Variants in PHKA1 observed in about 807,000 individuals in gnomAD.
PHKA1 encodes the protein phosphorylase kinase regulatory subunit alpha 1, also known as phosphorylase b kinase regulatory subunit alpha, skeletal muscle isoform.
PHKA1 carries 60 observed loss-of-function variants against 110.2 expected under a neutral mutation model. That is an observed-to-expected ratio of 0.54 (90% confidence interval 0.44 to 0.68). PHKA1 has a LOEUF of 0.68. Among genes scored for constraint, PHKA1 ranks in the 30% least tolerant of loss-of-function variants. The probability of loss-of-function intolerance (pLI) is 0.00; values close to 1 mark genes in which losing one functional copy is unlikely to be tolerated. For synonymous variants in PHKA1, 316 were observed against 333.6 expected (o/e 0.95, Z 0.58); for missense variants, 801 against 942.5 (o/e 0.85, Z 1.97).
intron 11 of PHKA1, among the ~76,000 whole-genome samples, chrX:72,652,897 A>G (rs1386153528): frequency 2.7e-5 from 3 of 111,086 alleles, no homozygotes; most frequent in Non-Finnish European, 5.7e-5. Flanking sequence ...CCTGAAATCT[A>G]TTTCTAACAA....
At position 72,616,732 on chromosome X, in the gene PHKA1, G is replaced by T. The variant is rs368678872; in HGVS notation, c.2369+1978C>A. Among the ~76,000 whole-genome samples the T allele has an allele frequency of 2.7e-5, 3 of 111,870 alleles. No individual in the cohort carries two copies. The East Asian group carries it at 8.4e-4, about 31-fold the overall frequency. On this transcript the variant is annotated intron_variant, in intron 21 of 31. Coordinates refer to ENST00000373542, the MANE Select transcript of PHKA1 (RefSeq NM_002637.4). ...TTCTCAACTTTACATGGAACATTCT[G>T]CAGGGTAGATTATATACTAGGCTAC... is the stretch of plus-strand genomic sequence containing the variant.
intron 5 of PHKA1, among the ~76,000 whole-genome samples, chrX:72,682,934 TAAAAAAAAAA>T (rs1164416043): frequency 4.7e-5 from 3 of 63,857 alleles, no homozygotes; most frequent in African/African-American, 1.3e-4. Flanking sequence ...AAAAATAAAT[TAAAAAAAAAA>T]AAAAAAAAAA....
intron 13 of PHKA1, among the ~76,000 whole-genome samples, chrX:72,645,370 T>C (rs1352568904): frequency 1.8e-5 from 2 of 112,233 alleles, no homozygotes; most frequent in African/African-American, 6.5e-5. Flanking sequence ...ATTTTCTACA[T>C]TGAGTTTTTG....
At chrX:72,604,364 T>C (rs975028891) in intron 25 of PHKA1, among the ~76,000 whole-genome samples, 1 of 111,322 alleles carries the variant, frequency 9.0e-6, no homozygotes, top group Non-Finnish European at 1.9e-5. Context: ...CTTGAAAGGA[T>C]TAAATGACAC....
intron 9 of PHKA1, among the ~76,000 whole-genome samples, 161 bp from the exon 10 acceptor site, chrX:72,656,403 T>C (rs1183712526): frequency 8.9e-6 from 1 of 112,536 alleles, no homozygotes; most frequent in African/African-American, 3.2e-5. Flanking sequence ...TACTCTATGA[T>C]GCGACTTCTA....
intron 12 of PHKA1, among the ~76,000 whole-genome samples, chrX:72,650,947 C>T (rs1437715138): frequency 8.9e-6 from 1 of 111,826 alleles, no homozygotes; most frequent in African/African-American, 3.3e-5. Context: ...CTCCTGGACT[C>T]AAGCAATCCT....
intron 28 of PHKA1, among the ~76,000 whole-genome samples, chrX:72,599,524 C>T (rs182049194): frequency 5.4e-5 from 6 of 111,653 alleles, no homozygotes; most frequent in Admixed American, 4.8e-4. Flanking sequence ...GGGCCTCATC[C>T]GCAGTCTTTC....
At chrX:72,685,331 TC>T (rs2053955570) in intron 4 of PHKA1, among the ~76,000 whole-genome samples, 1 of 110,839 alleles carries the variant, frequency 9.0e-6, no homozygotes, top group Non-Finnish European at 1.9e-5. Flanking sequence ...TCTTTATATC[TC>T]CCCCCTCAAA....
At chrX:72,644,611 G>C in intron 13 of PHKA1, 115 bp from the exon 14 acceptor site, 1 of 612,996 alleles carries the variant, frequency 1.6e-6, no homozygotes, top group South Asian at 2.6e-5. Context: ...GGGAGGAAAT[G>C]AACAGTTATT....
chrX:72,651,713 C>T (rs1205321374), intron 12 of PHKA1, among the ~76,000 whole-genome samples: 9 of 111,102 alleles, frequency 8.1e-5, no homozygotes, highest in Non-Finnish European at 1.5e-4. Context: ...TTAGTAATGT[C>T]GACTAAGAGT....
At chrX:72,662,793 G>A (rs868970234) in intron 8 of PHKA1, among the ~76,000 whole-genome samples, 1 of 111,176 alleles carries the variant, frequency 9.0e-6, no homozygotes, top group Admixed American at 9.5e-5. Flanking sequence ...TCTATTATGT[G>A]GATTACAGCT....
chrX:72,648,421 G>A (rs1037033203), intron 13 of PHKA1, among the ~76,000 whole-genome samples: 5 of 111,370 alleles, frequency 4.5e-5, no homozygotes, highest in Non-Finnish European at 9.4e-5. Context: ...AAAAGAGGTG[G>A]GGATTGAAAA....
intron 5 of PHKA1, among the ~76,000 whole-genome samples, chrX:72,682,180 C>A (rs2053897887): frequency 1.1e-5 from 1 of 92,245 alleles, no homozygotes; most frequent in East Asian, 4.2e-4. Flanking sequence ...TCTGCCCGGC[C>A]AGCCGCCCCG....
intron 9 of PHKA1, 76 bp from the exon 10 acceptor site, chrX:72,656,318 G>T: frequency 9.5e-7 from 1 of 1,048,173 alleles, no homozygotes; most frequent in Non-Finnish European, 1.3e-6. Flanking sequence ...ATTATAATAC[G>T]GGTTTTCATT....
chrX:72,649,924 G>A (rs1214707649), intron 13 of PHKA1, among the ~76,000 whole-genome samples: 2 of 108,975 alleles, frequency 1.8e-5, no homozygotes, highest in African/African-American at 6.7e-5. Context: ...CCCAGGAGGT[G>A]GAGGTTGCAG....
rs201556231 is a variant in PHKA1, at chrX:72,653,515, C to T, written c.1057G>A (p.Glu353Lys). Residue 353 changes from glutamate (E) to lysine (K), a missense_variant, in exon 11 of 32, where the codon GAG (glutamate) becomes AAG (lysine). By Grantham distance (56) the Glu-to-Lys change is moderately conservative (BLOSUM62 1). This residue lies in a region of PHKA1 where 299 missense variants were observed against 423.3 expected (regional missense o/e 0.71). Transcript: ENST00000373542. ...TTGATGAGGACTGCTTCAAGAGCCT[C>T]TTTATATTCTTGAACCTGCAGATAA... ...GNAEQVQEYK[E>K]ALEAVLIKGK... The T allele has an allele frequency of 3.8e-5, 45 of 1,186,675 alleles. No homozygotes were observed. The East Asian group carries it at 1.2e-3, about 33-fold the overall frequency.
rs782203046 is a variant in PHKA1 at position 72,611,034 on chromosome X, A to G, written c.2520T>C (p.Leu840=). ...ATTCAAGAATTTATAGTACCTCATC[A>G]AGTGCTTCCACTTTCTTCCTTAAGA... ...SGILRKKVEA[L]DEACTDLLSH... The change falls in exon 22 of 32, where the codon CTT becomes CTC. Residue 840 remains leucine, a synonymous_variant. Coordinates refer to ENST00000373542, the MANE Select transcript of PHKA1 (RefSeq NM_002637.4). The G allele has an allele frequency of 2.5e-6, 3 of 1,202,767 alleles. No homozygotes were observed. The East Asian group carries it at 8.9e-5, about 36-fold the overall frequency.
chrX:72,683,941 T>C (rs1412931279), intron 5 of PHKA1, among the ~76,000 whole-genome samples: 1 of 112,569 alleles, frequency 8.9e-6, no homozygotes, highest in Non-Finnish European at 1.9e-5. Flanking sequence ...CAAAGAAAAG[T>C]TGTCTATGTT....
rs2052663863 is a variant in PHKA1, at chrX:72,602,010, GAC to G, written c.3051_3052del (p.Ser1018AsnfsTer4). On this transcript the variant is annotated frameshift_variant, in exon 28 of 32. Transcript: ENST00000373542. LOFTEE classifies it high-confidence loss of function. ...TTTCACCTGACTCTCAGCTGAGATT[GAC>G]AGTCTACGAAATTCCACCTGAAACA... 8.3e-7 allele frequency: 1 copy of G among 1,197,990 alleles called. No homozygotes were observed. Among genetic ancestry groups the G allele is most frequent in the Non-Finnish European group, 1.1e-6 (1 of 884,203 alleles).
Sources: allele counts gnomAD v4.1 joint callset (sites outside exome capture counted in the v4.1 genomes callset), GRCh38; gene constraint gnomAD v4.1.1; regional missense constraint gnomAD v4.1.1; transcripts MANE v1.5; gene names NCBI Gene and HGNC (gene_info 2026-07-23, HGNC 2026-07-21).